The following DOK7 variants were observed in gnomAD, a reference collection of about 807,000 sequenced individuals.
The protein encoded by DOK7 is docking protein 7.
DOK7 carries 32 observed loss-of-function variants against 30.7 expected under a neutral mutation model. The ratio of observed to expected loss-of-function variants is 1.04; its 90% CI spans 0.79 to 1.40. The LOEUF (loss-of-function observed/expected upper bound fraction) is 1.40, where lower values mean the gene tolerates loss of function less well. Ranked by LOEUF, DOK7 falls within the 40% of genes most tolerant of loss-of-function variation. The probability of loss-of-function intolerance (pLI) is 0.00; values close to 1 mark genes in which losing one functional copy is unlikely to be tolerated. For missense variants in DOK7, 1,007 were observed against 699.2 expected (o/e 1.44, Z -4.97); for synonymous variants, 447 against 324.1 (o/e 1.38, Z -4.07).
At chr4:3,492,639 G>C in intron 6 of DOK7, 120 bp from the exon 7 acceptor site, 2 of 1,406,324 alleles carry the variant, frequency 1.4e-6, no homozygotes, top group East Asian at 2.4e-5. Flanking sequence ...GGGCTTGGGG[G>C]CTGGAAGGGG....
At chr4:3,499,773 G>C (rs1161202573) in intron 6 of DOK7, among the ~76,000 whole-genome samples, 1 of 152,034 alleles carries the variant, frequency 6.6e-6, no homozygotes, top group East Asian at 1.9e-4. Flanking sequence ...CCTGCAGCAG[G>C]TGGGGGTGAC....
In DOK7 at chr4:3,468,730, ATGTC is replaced by A. The variant is rs557227851; in HGVS notation, c.101-4673_101-4670del. Among the ~76,000 whole-genome samples, 24 of 108,660 alleles carry A rather than the reference ATGTC, an allele frequency of 2.2e-4. No individual in the cohort carries two copies. In the South Asian group the frequency reaches 2.4e-3, roughly 11 times the overall value. The allele number at this position is 108,660 out of a possible 152,430, so 71.3% of individuals were successfully genotyped here. ...TGTGTGTGTATGTGTGCGTGCCTGTATGTCTGCCTGTGTATGTGTCTGTGTGCGT... is the reference window on the plus strand; with the variant it reads ...TGTGTGTGTATGTGTGCGTGCCTGTATGCCTGTGTATGTGTCTGTGTGCGT... On this transcript the variant is annotated intron_variant, in intron 2 of 6. Coordinates refer to ENST00000340083, the MANE Select transcript of DOK7 (RefSeq NM_173660.5).
At chr4:3,463,459 G>GC in intron 1 of DOK7, 30 bp downstream of exon 1, 3 of 1,424,424 alleles carry the variant, frequency 2.1e-6, no homozygotes, top group South Asian at 1.4e-5. Context: ...GCGGGGGGGG[G>GC]GGGCGCGGGC....
In DOK7 at chr4:3,478,150, A is replaced by C. The variant is rs530734569; in HGVS notation, c.532+1608A>C. Among the ~76,000 whole-genome samples, 10 of 152,300 alleles carry C rather than the reference A, an allele frequency of 6.6e-5. No homozygotes were observed. The South Asian group carries it at 2.1e-3, about 32-fold the overall frequency. The stretch of plus-strand genomic sequence containing the variant: ...GTGGAATTCCTTGGCACGGGCAGGC[A>C]GCCGGCCGGGGTGGCGCCGCGTGCT... On this transcript the variant is annotated intron_variant, in intron 4 of 6. Coordinates refer to ENST00000340083, the MANE Select transcript of DOK7 (RefSeq NM_173660.5).
chr4:3,488,980 C>G (rs866868357), intron 5 of DOK7, among the ~76,000 whole-genome samples: 90 of 152,188 alleles, frequency 5.9e-4, no homozygotes, highest in African/African-American at 2.2e-3. Context: ...TGCTGAGGCT[C>G]GCAGCAGCGG....
chr4:3,482,789 C>A (rs1447657524), intron 4 of DOK7, among the ~76,000 whole-genome samples: 1 of 152,208 alleles, frequency 6.6e-6, no homozygotes, highest in East Asian at 1.9e-4. Context: ...GTCTTTCCAC[C>A]CAAGGCCGAG....
chr4:3,469,855 G>C (rs758930559), intron 2 of DOK7, among the ~76,000 whole-genome samples: 1 of 152,216 alleles, frequency 6.6e-6, no homozygotes, highest in Non-Finnish European at 1.5e-5. Context: ...CTGAGCGTGA[G>C]GGGGTGGGCG....
intron 2 of DOK7, 147 bp from the exon 3 acceptor site, chr4:3,473,259 G>T: frequency 1.4e-6 from 1 of 709,984 alleles, no homozygotes; most frequent in East Asian, 2.7e-5. Flanking sequence ...TTTGTATGCC[G>T]GGAGTCGAAG....
chr4:3,498,106 C>T (rs560480421), downstream of DOK7, among the ~76,000 whole-genome samples: 37 of 152,240 alleles, frequency 2.4e-4, no homozygotes, highest in South Asian at 5.0e-3. Flanking sequence ...CAAGTGGTAG[C>T]GTCGGGCTGC....
chr4:3,478,601 C>T (rs1223913445), intron 4 of DOK7, among the ~76,000 whole-genome samples: 1 of 146,682 alleles, frequency 6.8e-6, no homozygotes, highest in Non-Finnish European at 1.5e-5. Flanking sequence ...CGGGGGCTGG[C>T]CCCACAGAAC....
Position 3,494,196 on chromosome 4 carries a change from G to T in DOK7, c.*695G>T. The T allele has an allele frequency of 5.1e-6, 5 of 985,564 alleles. No individual in the cohort carries two copies. Among genetic ancestry groups the T allele is most frequent in the Non-Finnish European group, 6.0e-6 (5 of 830,010 alleles). The allele number at this position is 985,564 out of a possible 1,614,324, so 61.1% of individuals were successfully genotyped here. On this transcript the variant is annotated 3_prime_UTR_variant, in exon 7 of 7. Transcript: ENST00000340083. The stretch of plus-strand genomic sequence containing the variant: ...CCACTGGGAGAGGCGCCGTGCCTCG[G>T]GCCCCTGGTGGGAGCTCTGCTGGCT...
At chr4:3,500,869 G>C in exon 8 of DOK7, 1 of 1,481,518 alleles carries the variant, frequency 6.7e-7, no homozygotes, top group Non-Finnish European at 8.9e-7. Flanking sequence ...TGCGCTGTGC[G>C]GCCCCGTGGC....
downstream of DOK7, among the ~76,000 whole-genome samples, chr4:3,497,357 G>C (rs1300728119): frequency 6.6e-6 from 1 of 152,082 alleles, no homozygotes; most frequent in Non-Finnish European, 1.5e-5. Flanking sequence ...ACTCGGCGAA[G>C]GGCAGGGCAT....
At chr4:3,485,433 T>G in intron 4 of DOK7, 106 bp from the exon 5 acceptor site, 1 of 1,358,510 alleles carries the variant, frequency 7.4e-7, no homozygotes, top group Non-Finnish European at 9.6e-7. Context: ...CAGGGTGTCA[T>G]TGTCGGCTCT....
rs147185207 is a variant in DOK7 at position 3,493,392 on chromosome 4, C to A, written c.1406C>A (p.Pro469His). 1.6e-4 allele frequency: 263 copies of A among 1,594,708 alleles called. 5 individuals are homozygous for A. The East Asian group carries it at 3.8e-3, about 23-fold the overall frequency. The change falls in exon 7 of 7, where the codon CCT becomes CAT. Residue 469 changes from proline to histidine, a missense_variant. Physicochemically the swap from Pro to His is moderately conservative, Grantham distance 77 (BLOSUM62 -2). Coordinates refer to ENST00000340083, the MANE Select transcript of DOK7 (RefSeq NM_173660.5). ...GGCAGCGAGGCCACACTGCCTGGCC[C>A]TGCCCCTGGCGAGCCCTGGGAAGCA... ...PQGSEATLPG[P>H]APGEPWEAGG...
At chr4:3,463,450 C>CGGGGGGGGGGGGGGGG (rs71180187) in intron 1 of DOK7, 21 bp downstream of exon 1, 43 of 1,230,608 alleles carry the variant, frequency 3.5e-5, no homozygotes, top group South Asian at 2.2e-4. Flanking sequence ...GTCGGGGGCG[C>CGGGGGGGGGGGGGGGG]GGGGGGGGGG....
chr4:3,480,764 G>A (rs1727396428), intron 4 of DOK7, among the ~76,000 whole-genome samples: 1 of 152,244 alleles, frequency 6.6e-6, no homozygotes, highest in South Asian at 2.1e-4. Flanking sequence ...CCTGGCCTCT[G>A]TCAGGCAGCA....
At chr4:3,492,254 G>C (rs1728517559) in intron 6 of DOK7, among the ~76,000 whole-genome samples, 3 of 152,056 alleles carry the variant, frequency 2.0e-5, no homozygotes, top group African/African-American at 7.3e-5. Flanking sequence ...AGCATGGTGA[G>C]GGCAGGGGGC....
At position 3,485,552 on chromosome 4, in the gene DOK7, C is replaced by T. The variant is rs575721820; in HGVS notation, c.546C>T (p.Phe182=). Residue 182 remains phenylalanine, a synonymous_variant, in exon 5 of 7, where the codon TTC becomes TTT. Transcript: ENST00000340083. ...GTRCGYWAGV[F]FLSSAEGEQI... ...CTTCCTCTGCAGGGGCTGGCGTCTTCTTCCTGTCCTCGGCCGAGGGGGAGC... is the reference window on the plus strand; with the variant it reads ...CTTCCTCTGCAGGGGCTGGCGTCTTTTTCCTGTCCTCGGCCGAGGGGGAGC... 2.3e-4 allele frequency: 365 copies of T among 1,603,904 alleles called. 1 individual carries two copies. The South Asian group carries it at 3.8e-3, about 17-fold the overall frequency.
Sources: allele counts gnomAD v4.1 joint callset (sites outside exome capture counted in the v4.1 genomes callset), GRCh38; gene constraint gnomAD v4.1.1; transcripts MANE v1.5; gene names NCBI Gene and HGNC (gene_info 2026-07-23, HGNC 2026-07-21).